The following ITK variants were observed in gnomAD, a reference collection of about 807,000 sequenced individuals.
The protein encoded by ITK is tyrosine-protein kinase ITK/TSK.
Under a neutral mutation model 87.6 loss-of-function variants are expected in ITK, and 45 were observed. The ratio of observed to expected loss-of-function variants is 0.51; its 90% CI spans 0.40 to 0.66. ITK has a LOEUF of 0.66. ITK is among the 30% of genes least tolerant of loss of function. ITK has a pLI of 0.00. For missense variants in ITK, 605 were observed against 766.3 expected, an observed-to-expected ratio of 0.79 and a Z score of 2.48; for synonymous variants, 303 against 273.6, an observed-to-expected ratio of 1.11 and a Z score of -1.06.
chr5:157,241,882 T>C (rs1580906827), intron 11 of ITK, among the ~76,000 whole-genome samples, 162 bp downstream of exon 11: 2 of 152,220 alleles, frequency 1.3e-5, no homozygotes, highest in South Asian at 4.1e-4. Flanking sequence ...ATTTACATTG[T>C]GTGTAAGAGA....
rs150322680 is a variant in ITK, at chr5:157,213,747, C to A, written c.326-444C>A. On this transcript the variant is annotated intron_variant, in intron 3 of 16. Transcript: ENST00000422843. Reference sequence around the variant, plus strand: ...CCCCCCTTTTTTTTCCAACCAAAATCTTACTTCAAAGCCACAAACCTAGAA... The same window carrying A: ...CCCCCCTTTTTTTTCCAACCAAAATATTACTTCAAAGCCACAAACCTAGAA... The A allele has an allele frequency of 3.2e-3, 1,116 of 346,818 alleles. 14 individuals carry two copies. The highest frequency in any genetic ancestry group is 0.022 in the African/African-American group (1,025 of 46,734). The allele number at this position is 346,818 out of a possible 1,614,324, so 21.5% of individuals were successfully genotyped here.
At chr5:157,214,729 C>G (rs900897851) in intron 4 of ITK, among the ~76,000 whole-genome samples, 4 of 152,032 alleles carry the variant, frequency 2.6e-5, no homozygotes, top group African/African-American at 7.2e-5. Flanking sequence ...AAAGAGGCAG[C>G]CTTAAGAGAT....
At chr5:157,245,694 T>C in intron 13 of ITK, 32 bp from the exon 14 acceptor site, 2 of 1,596,600 alleles carry the variant, frequency 1.3e-6, no homozygotes, top group Non-Finnish European at 1.7e-6. Flanking sequence ...ACAGTTTTCC[T>C]CTCCGCCTTT....
intron 8 of ITK, among the ~76,000 whole-genome samples, chr5:157,233,817 C>T (rs1184344133): frequency 6.7e-6 from 1 of 150,268 alleles, no homozygotes. Flanking sequence ...CTTCAAACAG[C>T]CCACATTAAT....
intron 1 of ITK, among the ~76,000 whole-genome samples, chr5:157,208,316 C>T (rs1754121229): frequency 6.6e-6 from 1 of 152,064 alleles, no homozygotes; most frequent in Non-Finnish European, 1.5e-5. Flanking sequence ...GAGACACAGG[C>T]CCAGTAGTAT....
chr5:157,233,953 ATATATATATATTTTTTTTTTTT>A (rs1310621012), intron 8 of ITK, among the ~76,000 whole-genome samples: 1 of 22,328 alleles, frequency 4.5e-5, no homozygotes, highest in Non-Finnish European at 8.5e-5. Flanking sequence ...ATATATATAT[ATATATATATATTTTTTTTTTTT>A]TTTTTTTTTT....
rs375326878 is a variant in ITK at position 157,216,611 on chromosome 5, T to C, written c.455-1256T>C. Among the ~76,000 whole-genome samples, 44 of 151,964 alleles carry C rather than the reference T, an allele frequency of 2.9e-4. No homozygotes were observed. In the East Asian group the frequency reaches 8.2e-3, roughly 28 times the overall value. On this transcript the variant is annotated intron_variant, in intron 4 of 16. Transcript: ENST00000422843. ...CCATTTCTGCAACCAGAACTGGCCC[T>C]GATCTCCCCACTGTGGGGAGGGAAA...
At chr5:157,228,203 C>G (rs1754576157) in intron 6 of ITK, 93 bp from the exon 7 acceptor site, 1 of 815,326 alleles carries the variant, frequency 1.2e-6, no homozygotes, top group African/African-American at 1.7e-5. Flanking sequence ...GTGATATTCC[C>G]CAATCTTTAA....
At chr5:157,217,475 C>A (rs143889998) in intron 4 of ITK, among the ~76,000 whole-genome samples, 11 of 152,284 alleles carry the variant, frequency 7.2e-5, no homozygotes, top group Non-Finnish European at 1.6e-4. Flanking sequence ...GAGTCACTGT[C>A]CCCCTGAGTC....
chr5:157,245,590 T>C (rs1396162210), intron 13 of ITK, 136 bp from the exon 14 acceptor site: 2 of 751,600 alleles, frequency 2.7e-6, no homozygotes, highest in East Asian at 2.6e-5. Context: ...TTAATTAACA[T>C]TTGTAAAGCT....
chr5:157,244,492 G>A lies in ITK; in HGVS notation c.1449+14G>A. 6.8e-7 allele frequency: 1 copy of A among 1,478,432 alleles called. No individual in the cohort carries two copies. Among genetic ancestry groups the A allele is most frequent in the Admixed American group, 1.7e-5 (1 of 59,862 alleles). 91.6% of individuals were successfully genotyped at this position (1,478,432 alleles called of 1,614,324 possible). ...CACAGAGACTTGGTATGAGCATGCA[G>A]GGTGAACACCCACAGGTCCAGGGTA... On this transcript the variant is annotated intron_variant, in intron 13 of 16. Transcript: ENST00000422843.
intron 3 of ITK, 64 bp from the exon 4 acceptor site, chr5:157,214,127 A>C (rs756208291): frequency 2.4e-5 from 33 of 1,391,818 alleles, no homozygotes; most frequent in Admixed American, 3.3e-5. Flanking sequence ...AGGTGTTATA[A>C]AATTGGTAGC....
At chr5:157,239,169 C>CCAGCTT (rs1754836654) in intron 9 of ITK, among the ~76,000 whole-genome samples, 1 of 152,010 alleles carries the variant, frequency 6.6e-6, no homozygotes, top group Admixed American at 6.5e-5. Context: ...ACAACTACCC[C>CCAGCTT]CAGCTTCAGG....
chr5:157,227,856 A>T (rs1266673508), intron 6 of ITK, among the ~76,000 whole-genome samples: 2 of 111,372 alleles, frequency 1.8e-5, no homozygotes, highest in East Asian at 2.7e-4. Context: ...TTTGAGACAG[A>T]GTCTCGCTCT....
intron 6 of ITK, among the ~76,000 whole-genome samples, chr5:157,223,633 T>C (rs1321767500): frequency 1.3e-5 from 2 of 152,150 alleles, no homozygotes; most frequent in Admixed American, 1.3e-4. Flanking sequence ...TTTTTCCTCT[T>C]AATATATCCG....
chr5:157,192,043 T>G (rs1753762339), intron 1 of ITK, among the ~76,000 whole-genome samples: 1 of 152,222 alleles, frequency 6.6e-6, no homozygotes, highest in African/African-American at 2.4e-5. Flanking sequence ...GAAGATTATG[T>G]TTCTAAAAAG....
intron 7 of ITK, among the ~76,000 whole-genome samples, chr5:157,230,670 C>A (rs1257501233): frequency 6.6e-6 from 1 of 152,070 alleles, no homozygotes; most frequent in Non-Finnish European, 1.5e-5. Context: ...GAAGAAAAAA[C>A]AATAAGCATT....
rs548700566 is a variant in ITK at position 157,222,834 on chromosome 5, T to G, written c.496-29T>G. The G allele has an allele frequency of 3.7e-6, 6 of 1,613,736 alleles. No homozygotes were observed. The African/African-American group carries it at 8.0e-5, about 22-fold the overall frequency. On this transcript the variant is annotated intron_variant, in intron 5 of 16. Coordinates refer to ENST00000422843, the MANE Select transcript of ITK (RefSeq NM_005546.4). ...CATTTTACCTCCTTTTTTATGTCTTTGCTTGGTTTTGTTGTCTCTCTTCCC... is the reference window on the plus strand; with the variant it reads ...CATTTTACCTCCTTTTTTATGTCTTGGCTTGGTTTTGTTGTCTCTCTTCCC...
intron 5 of ITK, among the ~76,000 whole-genome samples, chr5:157,221,258 T>C (rs1483066748): frequency 6.6e-6 from 1 of 152,062 alleles, no homozygotes; most frequent in East Asian, 1.9e-4. Flanking sequence ...GGGACTCAAC[T>C]ACAGCATTAC....
Sources: gnomAD v4.1 joint callset for allele counts (sites outside exome capture counted in the v4.1 genomes callset) on GRCh38, gnomAD v4.1.1 for gene constraint, MANE v1.5 for transcripts, NCBI Gene and HGNC (gene_info 2026-07-23, HGNC 2026-07-21) for gene names.